The following PXDC1 variants were observed in gnomAD, a reference collection of about 807,000 sequenced individuals.
The protein encoded by PXDC1 is PX domain-containing protein 1.
PXDC1 carries 13 observed loss-of-function variants against 24.4 expected under a neutral mutation model. The observed-to-expected ratio is 0.53, with a 90% CI of 0.35 to 0.85. The LOEUF (loss-of-function observed/expected upper bound fraction) is 0.85. Among genes scored for constraint, PXDC1 ranks in the 40% least tolerant of loss-of-function variants. PXDC1 has a pLI of 0.01. For missense variants in PXDC1, 344 were observed against 309.3 expected, an observed-to-expected ratio of 1.11 and a Z score of -0.84; for synonymous variants, 162 against 124.9, an observed-to-expected ratio of 1.30 and a Z score of -1.98.
At chr6:3,726,297 G>C (rs1760064524) in intron 4 of PXDC1, among the ~76,000 whole-genome samples, 1 of 152,204 alleles carries the variant, frequency 6.6e-6, no homozygotes, top group Non-Finnish European at 1.5e-5. Context: ...TACCTCCACG[G>C]TGCCAGCCTG....
At chr6:3,749,383 C>T (rs972896015) in intron 1 of PXDC1, among the ~76,000 whole-genome samples, 13 of 151,246 alleles carry the variant, frequency 8.6e-5, no homozygotes, top group African/African-American at 3.2e-4. Context: ...AGGTAGCTAT[C>T]ATATCCCTTC....
At position 3,751,638 on chromosome 6, in the gene PXDC1, T is replaced by C. The variant is rs1460674884; in HGVS notation, c.-107A>G. On this transcript the variant is annotated 5_prime_UTR_variant, in exon 1 of 5. Coordinates refer to ENST00000380283, the MANE Select transcript of PXDC1 (RefSeq NM_183373.4). ...CCGGGTCTGTCCGTGGCCGGGGTCGTCCGGGGTCGGCCCGTCACTCCAAGG... is the reference window on the plus strand; with the variant it reads ...CCGGGTCTGTCCGTGGCCGGGGTCGCCCGGGGTCGGCCCGTCACTCCAAGG... The C allele has an allele frequency of 3.7e-6, 5 of 1,340,088 alleles. No homozygotes were observed. Among genetic ancestry groups the C allele is most frequent in the African/African-American group, 1.6e-5 (1 of 64,136 alleles). The allele number at this position is 1,340,088 out of a possible 1,614,324, so 83.0% of individuals were successfully genotyped here. A position where few individuals can be genotyped will look rare whatever the true frequency, so the allele number is the denominator to read the frequency against.
At chr6:3,744,762 A>G (rs1475400691) in intron 1 of PXDC1, among the ~76,000 whole-genome samples, 1 of 152,180 alleles carries the variant, frequency 6.6e-6, no homozygotes, top group Non-Finnish European at 1.5e-5. Context: ...CAGTGGTGCA[A>G]TCTCAGCTCA....
intron 3 of PXDC1, among the ~76,000 whole-genome samples, chr6:3,727,871 C>A (rs1180589618): frequency 6.6e-6 from 1 of 152,114 alleles, no homozygotes; most frequent in Non-Finnish European, 1.5e-5. Context: ...AGGAGCCAGG[C>A]CTGCTGTGTG....
intron 1 of PXDC1, among the ~76,000 whole-genome samples, chr6:3,748,678 C>T (rs1581253778): frequency 6.6e-6 from 1 of 152,168 alleles, no homozygotes; most frequent in Non-Finnish European, 1.5e-5. Context: ...CAAGTGGGGC[C>T]AAGGCTCCCA....
intron 1 of PXDC1, among the ~76,000 whole-genome samples, chr6:3,744,102 T>C (rs1310789037): frequency 1.3e-5 from 2 of 152,252 alleles, no homozygotes; most frequent in Non-Finnish European, 2.9e-5. Flanking sequence ...CCCGTAATCC[T>C]GCCTTCTCTA....
Position 3,724,411 on chromosome 6 carries a change from A to G in PXDC1, c.579-675T>C, listed in dbSNP as rs1013298304. On this transcript the variant is annotated intron_variant, in intron 4 of 4. Coordinates refer to ENST00000380283, the MANE Select transcript of PXDC1 (RefSeq NM_183373.4). The surrounding 1 kb of genome is among the most constrained non-coding windows in gnomAD (Gnocchi z 4.5). ...AGCCCGCGATACTGACTCCCCACAC[A>G]CTGGAACTGTTTCTACTCCCTCTGC... 6.6e-6 allele frequency among the ~76,000 whole-genome samples: 1 copy of G among 152,158 alleles called. No homozygotes were observed. The highest frequency in any genetic ancestry group is 2.4e-5 in the African/African-American group (1 of 41,420).
At chr6:3,730,690 T>C (rs2127598532) in intron 3 of PXDC1, among the ~76,000 whole-genome samples, 1 of 152,350 alleles carries the variant, frequency 6.6e-6, no homozygotes, top group Admixed American at 6.5e-5. Context: ...GACGATGGTA[T>C]AGACCATGAA....
chr6:3,738,970 C>CTG (rs1760394254), intron 1 of PXDC1: 2 of 1,290,700 alleles, frequency 1.5e-6, no homozygotes, highest in Non-Finnish European at 2.0e-6. Context: ...GCAAACGTGC[C>CTG]TGTGAGCGGT....
chr6:3,741,569 G>A (rs1243620337), intron 1 of PXDC1, among the ~76,000 whole-genome samples: 1 of 152,178 alleles, frequency 6.6e-6, no homozygotes, highest in Non-Finnish European at 1.5e-5. Flanking sequence ...GAATGACAAC[G>A]AGCGCTGATC....
chr6:3,740,874 C>G (rs1017970765), intron 1 of PXDC1, among the ~76,000 whole-genome samples: 1 of 152,282 alleles, frequency 6.6e-6, no homozygotes, highest in African/African-American at 2.4e-5. Context: ...TGTGCCTTCA[C>G]CTGGGGGTCT....
intron 1 of PXDC1, among the ~76,000 whole-genome samples, chr6:3,741,314 G>A (rs1760444110): frequency 6.6e-6 from 1 of 152,236 alleles, no homozygotes; most frequent in Non-Finnish European, 1.5e-5. Flanking sequence ...TTCCTTGGGT[G>A]TGTAAACATC....
intron 3 of PXDC1, among the ~76,000 whole-genome samples, chr6:3,736,786 T>C (rs1008661508): frequency 2.6e-5 from 4 of 152,220 alleles, no homozygotes; most frequent in Non-Finnish European, 4.4e-5. Context: ...ATTCCAATAG[T>C]TTGCTTCAAA....
chr6:3,739,290 G>A (rs1392366790), intron 1 of PXDC1: 1 of 282,590 alleles, frequency 3.5e-6, no homozygotes, highest in African/African-American at 2.2e-5. Context: ...TGCAAGAGTG[G>A]GCTACCGCAG....
chr6:3,748,250 G>A (rs892575520), intron 1 of PXDC1, among the ~76,000 whole-genome samples: 2 of 152,106 alleles, frequency 1.3e-5, no homozygotes, highest in Non-Finnish European at 1.5e-5. Context: ...TTGGTAACCC[G>A]GCGACAATAT....
At chr6:3,745,854 G>C (rs1760558497) in intron 1 of PXDC1, among the ~76,000 whole-genome samples, 1 of 152,222 alleles carries the variant, frequency 6.6e-6, no homozygotes, top group Non-Finnish European at 1.5e-5. Context: ...GCTGAGTCTA[G>C]GTTAAACATC....
At chr6:3,727,336 T>G (rs1760090780) in intron 4 of PXDC1, among the ~76,000 whole-genome samples, 1 of 152,090 alleles carries the variant, frequency 6.6e-6, no homozygotes, top group Admixed American at 6.5e-5. Context: ...TAAATGCCCC[T>G]CAGAGCCAGC....
rs893940103 is a variant in PXDC1 at position 3,724,215 on chromosome 6, G to A, written c.579-479C>T. 7.2e-5 allele frequency among the ~76,000 whole-genome samples: 11 copies of A among 152,146 alleles called. No homozygotes were observed. Among genetic ancestry groups the A allele is most frequent in the African/African-American group, 1.7e-4 (7 of 41,434 alleles). ...GGGAACAGGAGGCTGGAGAAGAGCC[G>A]GCGAGGCCCGTGGAGGTCACGGGGG... On this transcript the variant is annotated intron_variant, in intron 4 of 4. Transcript: ENST00000380283. The surrounding 1 kb of genome is among the most constrained non-coding windows in gnomAD (Gnocchi z 4.5).
intron 1 of PXDC1, among the ~76,000 whole-genome samples, chr6:3,744,588 T>C (rs1195149867): frequency 6.6e-6 from 1 of 152,196 alleles, no homozygotes; most frequent in Non-Finnish European, 1.5e-5. Context: ...AGGACAAGCG[T>C]GGTCTCACAA....
Sources: gnomAD v4.1 joint callset for allele counts (sites outside exome capture counted in the v4.1 genomes callset) on GRCh38, gnomAD v4.1.1 for gene constraint, Gnocchi (gnomAD v3.1) non-coding constraint, MANE v1.5 for transcripts, NCBI Gene and HGNC (gene_info 2026-07-23, HGNC 2026-07-21) for gene names.